RFWD3: variants seen among roughly 807,000 people sequenced by gnomAD.
The protein encoded by RFWD3 is ring finger and WD repeat domain 3.
RFWD3 carries 65 observed loss-of-function variants against 87.7 expected under a neutral mutation model. The ratio of observed to expected loss-of-function variants is 0.74; its 90% CI spans 0.61 to 0.91. RFWD3 has a LOEUF of 0.91. Ranked by LOEUF, RFWD3 falls within the 40% of genes least tolerant of loss-of-function variation. RFWD3 has a pLI of 0.00. For missense variants in RFWD3, 1,078 were observed against 938.5 expected (o/e 1.15, Z -1.94); for synonymous variants, 433 against 352.8 (o/e 1.23, Z -2.55).
intron 2 of RFWD3, among the ~76,000 whole-genome samples, chr16:74,659,071 T>C (rs1285005905): frequency 6.6e-6 from 1 of 152,150 alleles, no homozygotes; most frequent in Non-Finnish European, 1.5e-5. Context: ...CATCAAGCAA[T>C]TTTCTCACTA....
intron 2 of RFWD3, among the ~76,000 whole-genome samples, chr16:74,658,583 A>G (rs978578381): frequency 6.6e-6 from 1 of 152,190 alleles, no homozygotes; most frequent in African/African-American, 2.4e-5. Context: ...GTCATACTTC[A>G]GGGAAAAAAG....
Position 74,636,496 on chromosome 16 carries a change from G to T in RFWD3, c.1276C>A (p.Pro426Thr). 1 of 1,614,080 alleles carries T rather than the reference G, an allele frequency of 6.2e-7. No homozygotes were observed. Among genetic ancestry groups the T allele is most frequent in the Admixed American group, 1.7e-5 (1 of 60,014 alleles). ...GSQAWVLSCS[P>T]SSQGQHKHKY... ...TGCTTGTGCTGGCCCTGGCTGGAGG[G>T]TGAGCAGCTCAGGACCCATGCTTGG... The change falls in exon 8 of 13, where the codon CCC becomes ACC. Residue 426 changes from proline (P) to threonine (T), a missense_variant. Pro to Thr is a conservative substitution (Grantham distance 38). Transcript: ENST00000361070.
intron 2 of RFWD3, among the ~76,000 whole-genome samples, chr16:74,656,283 G>A (rs1334641241): frequency 8.3e-6 from 1 of 119,954 alleles, no homozygotes; most frequent in African/African-American, 3.3e-5. Flanking sequence ...TCCAGCCTGG[G>A]CAACAGAGTG....
intron 6 of RFWD3, among the ~76,000 whole-genome samples, chr16:74,641,604 A>C (rs1959652264): frequency 6.6e-6 from 1 of 152,164 alleles, no homozygotes; most frequent in African/African-American, 2.4e-5. Flanking sequence ...AAAAAGTTAT[A>C]ATCTAACATA....
At chr16:74,632,283 T>G (rs1435555702) in intron 9 of RFWD3, among the ~76,000 whole-genome samples, 1 of 151,932 alleles carries the variant, frequency 6.6e-6, no homozygotes, top group Non-Finnish European at 1.5e-5. Context: ...TCCTAGCTAC[T>G]CGGGAGGCTG....
chr16:74,646,331 G>T (rs1302538225), intron 4 of RFWD3, among the ~76,000 whole-genome samples: 3 of 152,162 alleles, frequency 2.0e-5, no homozygotes, highest in African/African-American at 7.2e-5. Flanking sequence ...AGCTATGATT[G>T]TGCCACTGCA....
At chr16:74,651,687 G>A (rs1960578966) in intron 3 of RFWD3, among the ~76,000 whole-genome samples, 1 of 152,106 alleles carries the variant, frequency 6.6e-6, no homozygotes, top group African/African-American at 2.4e-5. Flanking sequence ...AATACAAAAT[G>A]CCACTACAAA....
intron 6 of RFWD3, among the ~76,000 whole-genome samples, chr16:74,641,631 TA>T (rs1385860860): frequency 6.6e-6 from 1 of 151,864 alleles, no homozygotes; most frequent in Non-Finnish European, 1.5e-5. Context: ...GCATACAGTA[TA>T]AAAACTTTCT....
chr16:74,658,766 A>ATT (rs386364851), intron 2 of RFWD3, among the ~76,000 whole-genome samples: 20 of 139,508 alleles, frequency 1.4e-4, no homozygotes, highest in South Asian at 9.1e-4. Context: ...AGATTCTATA[A>ATT]TTTTTTTTTT....
chr16:74,638,801 T>G (rs1672317827), intron 6 of RFWD3, among the ~76,000 whole-genome samples: 1 of 152,198 alleles, frequency 6.6e-6, no homozygotes, highest in Non-Finnish European at 1.5e-5. Context: ...ATGTGCAGCT[T>G]AATGATGTGG....
chr16:74,629,551 C>G (rs765741447), intron 10 of RFWD3, among the ~76,000 whole-genome samples: 1 of 151,796 alleles, frequency 6.6e-6, no homozygotes. Flanking sequence ...CCCAGCTACT[C>G]GGGAGGTGGA....
At chr16:74,650,889 T>C (rs1960511809) in intron 3 of RFWD3, among the ~76,000 whole-genome samples, 2 of 147,838 alleles carry the variant, frequency 1.4e-5, no homozygotes, top group African/African-American at 2.5e-5. Flanking sequence ...AAAAAACAAA[T>C]GAAAAAAAAA....
chr16:74,624,169 A>T, intron 12 of RFWD3, 98 bp from the exon 13 acceptor site: 1 of 1,401,710 alleles, frequency 7.1e-7, no homozygotes, highest in Non-Finnish European at 9.6e-7. Context: ...CTGCAGAGAG[A>T]ACACTACCTG....
intron 10 of RFWD3, among the ~76,000 whole-genome samples, chr16:74,630,430 C>T (rs1959058896): frequency 1.3e-5 from 2 of 152,176 alleles, no homozygotes; most frequent in South Asian, 4.1e-4. Context: ...CTACATTGAC[C>T]AGATTTTACA....
At chr16:74,635,340 AC>A (rs1414147093) in intron 8 of RFWD3, among the ~76,000 whole-genome samples, 3 of 151,994 alleles carry the variant, frequency 2.0e-5, no homozygotes, top group Non-Finnish European at 2.9e-5. Context: ...GGTGGCATGC[AC>A]CCGTAGTCTC....
At chr16:74,649,098 T>A in intron 4 of RFWD3, 34 bp downstream of exon 4, 1 of 1,406,570 alleles carries the variant, frequency 7.1e-7, no homozygotes, top group Non-Finnish European at 9.8e-7. Flanking sequence ...AATAAATAAA[T>A]AAATAGATTT....
At position 74,664,982 on chromosome 16, in the gene RFWD3, A is replaced by T. The variant is rs554078516; in HGVS notation, c.-3+1804T>A. On this transcript the variant is annotated intron_variant, in intron 1 of 12. Coordinates refer to ENST00000361070, the MANE Select transcript of RFWD3 (RefSeq NM_018124.4). ...AGAGACCATGGGCTGGGCACCCCAA[A>T]CCTTGAGGATGTCACACAAACGCTG... Among the ~76,000 whole-genome samples the T allele has an allele frequency of 5.9e-5, 9 of 152,324 alleles. No homozygotes were observed. In the East Asian group the frequency reaches 9.6e-4, roughly 16 times the overall value.
At chr16:74,664,485 C>G (rs945907965) in intron 1 of RFWD3, 1 of 152,198 alleles carries the variant, frequency 6.6e-6, no homozygotes. Flanking sequence ...GAGCTGTGGC[C>G]CACGCCTATA....
chr16:74,626,893 T>C (rs1336085783), intron 11 of RFWD3, among the ~76,000 whole-genome samples: 1 of 152,160 alleles, frequency 6.6e-6, no homozygotes, highest in Non-Finnish European at 1.5e-5. Flanking sequence ...TCAAGAATTC[T>C]CAGTAAAAGG....
Sources: allele counts gnomAD v4.1 joint callset (sites outside exome capture counted in the v4.1 genomes callset), GRCh38; gene constraint gnomAD v4.1.1; transcripts MANE v1.5; gene names NCBI Gene and HGNC (gene_info 2026-07-23, HGNC 2026-07-21).